USP9Y: variants seen among roughly 807,000 people sequenced by gnomAD.
The protein encoded by USP9Y is ubiquitin carboxyl-terminal hydrolase 9Y.
A neutral mutation model predicts 53.1 loss-of-function variants in USP9Y; 41 were observed. The observed-to-expected ratio is 0.77, with a 90% CI of 0.60 to 1.00. The LOEUF (loss-of-function observed/expected upper bound fraction) is 1.00, where lower values mean the gene tolerates loss of function less well. Among genes scored for constraint, USP9Y ranks in the 50% least tolerant of loss-of-function variants. USP9Y has a pLI of 0.00. For synonymous variants in USP9Y, 220 were observed against 173.7 expected, an observed-to-expected ratio of 1.27 and a Z score of -2.09; for missense variants, 567 against 535.8, an observed-to-expected ratio of 1.06 and a Z score of -0.58.
At chrY:12,714,011 G>T (rs2053428343) in intron 3 of USP9Y, among the ~76,000 whole-genome samples, 1 of 27,544 alleles carries the variant, frequency 3.6e-5, no homozygotes, top group South Asian at 8.9e-4. Flanking sequence ...TCCGGCCTCA[G>T]CCTCCTGAGT....
intron 24 of USP9Y, among the ~76,000 whole-genome samples, chrY:12,789,536 G>C: frequency 3.0e-5 from 1 of 33,168 alleles, no homozygotes; most frequent in African/African-American, 1.2e-4. Context: ...GGAGGCTGAG[G>C]CAGGAGAATT....
chrY:12,798,300 T>A (rs1302032627), intron 27 of USP9Y, among the ~76,000 whole-genome samples: 1 of 33,173 alleles, frequency 3.0e-5, no homozygotes. Flanking sequence ...AATTCATTTA[T>A]TTTTCATCTA....
Position 12,810,603 on chromosome Y carries a change from G to A in USP9Y, c.4093-69G>A. The A allele has an allele frequency of 8.8e-6, 3 of 341,196 alleles. No individual in the cohort carries two copies. In the South Asian group the frequency reaches 1.0e-4, roughly 12 times the overall value. The allele number at this position is 341,196 out of a possible 400,897, so 85.1% of individuals were successfully genotyped here. Reference sequence around the variant, plus strand: ...ATATTGCCAATTTTAATTTTTCTGGGTTTAAAAAAATTATATGGACTCTGA... The same window carrying A: ...ATATTGCCAATTTTAATTTTTCTGGATTTAAAAAAATTATATGGACTCTGA... On this transcript the variant is annotated intron_variant, in intron 28 of 45. Coordinates refer to ENST00000338981, the MANE Select transcript of USP9Y (RefSeq NM_004654.4).
chrY:12,825,898 C>A (rs2148290541), intron 33 of USP9Y, among the ~76,000 whole-genome samples: 1 of 13,661 alleles, frequency 7.3e-5, no homozygotes, highest in Non-Finnish European at 1.5e-4. Context: ...ATTTTCTTTT[C>A]TTTTCTTTTC....
intron 15 of USP9Y, among the ~76,000 whole-genome samples, chrY:12,766,671 C>T: frequency 2.4e-4 from 8 of 33,439 alleles, no homozygotes; most frequent in South Asian, 6.8e-4. Context: ...TAGTACTTGC[C>T]TGTTTCTTAC....
At chrY:12,726,520 T>C in intron 6 of USP9Y, 55 bp from the exon 7 acceptor site, 1 of 288,739 alleles carries the variant, frequency 3.5e-6, no homozygotes, top group Admixed American at 7.9e-5. Flanking sequence ...TAAATGTGTT[T>C]GAAATTGCAA....
intron 15 of USP9Y, among the ~76,000 whole-genome samples, chrY:12,770,815 C>T: frequency 6.1e-5 from 2 of 32,923 alleles, no homozygotes; most frequent in South Asian, 6.8e-4. Flanking sequence ...TCACAAATTG[C>T]GCCAGTGTGT....
chrY:12,822,990 C>T (rs2053543404), intron 33 of USP9Y, among the ~76,000 whole-genome samples: 1 of 32,444 alleles, frequency 3.1e-5, no homozygotes, highest in Non-Finnish European at 7.5e-5. Flanking sequence ...CTCAGCCTAC[C>T]GAGTAGCTGG....
chrY:12,846,535 C>A lies in USP9Y; in HGVS notation c.6754+17C>A, dbSNP rs781019175. 6 of 390,364 alleles carry A rather than the reference C, an allele frequency of 1.5e-5. No individual in the cohort carries two copies. The highest frequency in any genetic ancestry group is 2.2e-5 in the Non-Finnish European group (6 of 276,087). Reference sequence around the variant, plus strand: ...CAATCAATGGTAAAGTAGCATGTTCCATTTCTTTTACAGCAGTTTAAAAAT... The same window carrying A: ...CAATCAATGGTAAAGTAGCATGTTCAATTTCTTTTACAGCAGTTTAAAAAT... On this transcript the variant is annotated intron_variant, in intron 40 of 45. Transcript: ENST00000338981.
At position 12,778,038 on chromosome Y, in the gene USP9Y, C is replaced by T; in HGVS notation, c.2659C>T (p.Leu887Phe). Reference sequence around the variant, plus strand: ...TTTCAGAGCATTTCGTGGCAAACACCTCTCTCTTATAGTTCGGTTTCCAAA... The same window carrying T: ...TTTCAGAGCATTTCGTGGCAAACACTTCTCTCTTATAGTTCGGTTTCCAAA... The part of the protein sequence containing the change: ...PMSRAFRGKH[L>F]SLIVRFPNQG... The change falls in exon 20 of 46, where the codon CTC becomes TTC. Residue 887 changes from leucine to phenylalanine, a missense_variant. Transcript: ENST00000338981. 1 of 395,124 alleles carries T rather than the reference C, an allele frequency of 2.5e-6. No homozygotes were observed. Among genetic ancestry groups the T allele is most frequent in the African/African-American group, 6.3e-5 (1 of 15,991 alleles).
chrY:12,726,213 T>C, intron 6 of USP9Y, among the ~76,000 whole-genome samples: 1 of 33,502 alleles, frequency 3.0e-5, no homozygotes, highest in Non-Finnish European at 7.4e-5. Context: ...TTTGAAAATA[T>C]GTGACTTTTG....
chrY:12,760,738 T>C, intron 15 of USP9Y, 121 bp downstream of exon 15: 1 of 239,692 alleles, frequency 4.2e-6, no homozygotes, highest in Non-Finnish European at 6.4e-6. Flanking sequence ...GGATTTATAC[T>C]TCATATTGCA....
chrY:12,828,676 G>A (rs2053548665), intron 33 of USP9Y, among the ~76,000 whole-genome samples: 1 of 32,804 alleles, frequency 3.0e-5, no homozygotes, highest in Non-Finnish European at 7.5e-5. Flanking sequence ...TATTCTAATT[G>A]GCAGAAAGCA....
At chrY:12,733,009 T>G (rs2053448306) in intron 7 of USP9Y, among the ~76,000 whole-genome samples, 1 of 31,269 alleles carries the variant, frequency 3.2e-5, no homozygotes, top group Non-Finnish European at 7.7e-5. Context: ...CCTCCCTGGT[T>G]CAAGCGATTC....
At chrY:12,752,442 G>C (rs1008112846) in intron 12 of USP9Y, among the ~76,000 whole-genome samples, 1 of 32,704 alleles carries the variant, frequency 3.1e-5, no homozygotes, top group Non-Finnish European at 7.5e-5. Flanking sequence ...TCCTGCAATC[G>C]TGTTAAAGTC....
chrY:12,750,227 G>T, intron 12 of USP9Y, among the ~76,000 whole-genome samples: 1 of 32,899 alleles, frequency 3.0e-5, no homozygotes, highest in Admixed American at 2.8e-4. Context: ...CATGTATCTT[G>T]TATGTAGAAA....
At chrY:12,814,550 A>G (rs1603201950) in intron 31 of USP9Y, among the ~76,000 whole-genome samples, 1 of 29,804 alleles carries the variant, frequency 3.4e-5, no homozygotes, top group Non-Finnish European at 8.0e-5. Context: ...AAAAAAAAAA[A>G]AAAGAAACAC....
chrY:12,757,253 T>C lies in USP9Y; in HGVS notation c.1484T>C (p.Leu495Pro), dbSNP rs201646512. 3.2e-4 allele frequency: 126 copies of C among 397,011 alleles called. No homozygotes were observed. Among genetic ancestry groups the C allele is most frequent in the Non-Finnish European group, 3.7e-4 (106 of 283,260 alleles). Residue 495 changes from leucine (L) to proline (P), a missense_variant, in exon 13 of 46, where the codon CTT becomes CCT. Coordinates refer to ENST00000338981, the MANE Select transcript of USP9Y (RefSeq NM_004654.4). ...REKLLELIRR[L>P]AEDDKDGVMA... ...AAGCTCCTTGAGTTGATACGCCGTC[T>C]TGCAGAAGATGATAAAGATGGTGTG...
chrY:12,709,260 G>T, intron 2 of USP9Y, 128 bp from the exon 3 acceptor site: 1 of 142,139 alleles, frequency 7.0e-6, no homozygotes, highest in Non-Finnish European at 1.3e-5. Flanking sequence ...TAAGACAGTG[G>T]TACCTTTTTT....
Sources: allele counts gnomAD v4.1 joint callset (sites outside exome capture counted in the v4.1 genomes callset), GRCh38; gene constraint gnomAD v4.1.1; transcripts MANE v1.5; gene names NCBI Gene and HGNC (gene_info 2026-07-23, HGNC 2026-07-21).